CCND3: variants seen among roughly 807,000 people sequenced by gnomAD.
CCND3 encodes cyclin D3, also known as G1/S-specific cyclin-D3.
Under a neutral mutation model 28.7 loss-of-function variants are expected in CCND3, and 9 were observed. The observed-to-expected ratio is 0.31, with a 90% CI of 0.19 to 0.55. The LOEUF (loss-of-function observed/expected upper bound fraction) is 0.55. Ranked by LOEUF, CCND3 falls within the 20% of genes least tolerant of loss-of-function variation. CCND3 has a pLI of 0.93. For missense variants in CCND3, 315 were observed against 385.8 expected, an observed-to-expected ratio of 0.82 and a Z score of 1.54; for synonymous variants, 164 against 163.9, an observed-to-expected ratio of 1.00 and a Z score of 0.00.
chr6:42,009,173 T>G (rs779029249), intron 1 of CCND3, among the ~76,000 whole-genome samples: 2 of 152,194 alleles, frequency 1.3e-5, no homozygotes, highest in Non-Finnish European at 2.9e-5. Flanking sequence ...TCAGGCCTAC[T>G]TATCAGAAAC....
At chr6:41,951,050 T>C (rs992726203) in intron 1 of CCND3, among the ~76,000 whole-genome samples, 1 of 151,898 alleles carries the variant, frequency 6.6e-6, no homozygotes, top group Non-Finnish European at 1.5e-5. Context: ...GTGCATGATA[T>C]GATGATCCTC....
At chr6:41,948,709 G>A (rs1440184405) in intron 1 of CCND3, among the ~76,000 whole-genome samples, 2 of 151,842 alleles carry the variant, frequency 1.3e-5, no homozygotes, top group Non-Finnish European at 2.9e-5. Context: ...GCATGGTGGC[G>A]CGTGCCTGTA....
At chr6:42,039,214 A>C (rs1303848131) in intron 1 of CCND3, among the ~76,000 whole-genome samples, 1 of 152,220 alleles carries the variant, frequency 6.6e-6, no homozygotes, top group Non-Finnish European at 1.5e-5. Flanking sequence ...CAGTCTCTTT[A>C]AAATAGAGAC....
chr6:41,938,541 A>G lies in CCND3; in HGVS notation c.415-1147T>C, dbSNP rs1369327637. Among the ~76,000 whole-genome samples the G allele has an allele frequency of 2.0e-5, 3 of 152,164 alleles. No individual in the cohort carries two copies. Among genetic ancestry groups the G allele is most frequent in the African/African-American group, 7.2e-5 (3 of 41,418 alleles). ...CCTAACTCAGCAGTAAACAGAAGGG[A>G]CTCAGCTTCTAAGGAAGCATCTGGA... is the stretch of plus-strand genomic sequence containing the variant. On this transcript the variant is annotated intron_variant, in intron 2 of 4. Transcript: ENST00000372991. This position sits in a 1 kb window ranked among gnomAD's most constrained non-coding sequence, Gnocchi z 4.6.
intron 1 of CCND3, among the ~76,000 whole-genome samples, chr6:41,970,066 C>T (rs946286594): frequency 1.3e-5 from 2 of 152,104 alleles, no homozygotes; most frequent in African/African-American, 2.4e-5. Flanking sequence ...ATAGGCCAGG[C>T]GCGGTGGCTC....
intron 1 of CCND3, among the ~76,000 whole-genome samples, chr6:42,041,776 G>A (rs561126595): frequency 2.6e-5 from 4 of 152,300 alleles, no homozygotes; most frequent in South Asian, 4.1e-4. Context: ...AAGACTTTGC[G>A]AATAATAAAC....
chr6:42,014,365 C>CA (rs150061290), intron 1 of CCND3, among the ~76,000 whole-genome samples: 1 of 148,714 alleles, frequency 6.7e-6, no homozygotes, highest in African/African-American at 2.5e-5. Context: ...GACTCTGTCT[C>CA]AAACAAAACA....
rs1175853279 is a variant in CCND3 at position 42,033,448 on chromosome 6, TA to T, written c.-46+15052del. ...CTGTGTGACAAAGCGAGACTCCATC[TA>T]AAAAAAAAATATATATATATGTGTA... is the stretch of plus-strand genomic sequence containing the variant. On this transcript the variant is annotated intron_variant, in intron 1 of 4. Transcript: ENST00000372988. 5.8e-3 allele frequency among the ~76,000 whole-genome samples: 735 copies of T among 126,698 alleles called. 6 individuals carry two copies. The highest frequency in any genetic ancestry group is 0.018 in the African/African-American group (618 of 34,588). The allele number at this position is 126,698 out of a possible 152,430, so 83.1% of individuals were successfully genotyped here. A position where few individuals can be genotyped will look rare whatever the true frequency, so the allele number is the denominator to read the frequency against.
chr6:41,964,039 T>C (rs1418580056), intron 1 of CCND3, among the ~76,000 whole-genome samples: 1 of 152,218 alleles, frequency 6.6e-6, no homozygotes, highest in Non-Finnish European at 1.5e-5. Context: ...AATCAATAAA[T>C]ATTAGTAGAA....
At chr6:41,940,779 C>T (rs1285468816) in intron 1 of CCND3, 194 bp from the exon 2 acceptor site, 1 of 820,964 alleles carries the variant, frequency 1.2e-6, no homozygotes. Flanking sequence ...TCTGCGCGGC[C>T]TCCTCCCCTC....
chr6:41,976,234 C>G (rs188422740), intron 1 of CCND3, among the ~76,000 whole-genome samples: 81 of 152,160 alleles, frequency 5.3e-4, no homozygotes, highest in African/African-American at 1.9e-3. Context: ...CACCTGTAGT[C>G]CCAGCTACTC....
In CCND3 at chr6:41,999,403, C is replaced by T. The variant is rs376092320; in HGVS notation, c.-46+49098G>A. Among the ~76,000 whole-genome samples, 22 of 152,252 alleles carry T rather than the reference C, an allele frequency of 1.4e-4. No individual in the cohort carries two copies. In the East Asian group the frequency reaches 4.1e-3, roughly 28 times the overall value. On this transcript the variant is annotated intron_variant, in intron 1 of 4. Coordinates refer to the CCND3 transcript ENST00000372988. ...AGCTGGGATAACAGGCACCCACCAC[C>T]ATGCCCGGCTAATTTTTGTATTTTC...
upstream of CCND3, among the ~76,000 whole-genome samples, chr6:41,946,595 C>CA (rs35369019): frequency 0.26 from 5,482 of 20,880 alleles, 2,046 homozygotes; most frequent in East Asian, 0.35. Context: ...AGACCTGTCT[C>CA]AAAAAAAAAA....
intron 1 of CCND3, among the ~76,000 whole-genome samples, chr6:42,009,016 T>C (rs1338031970): frequency 1.3e-5 from 2 of 152,168 alleles, no homozygotes; most frequent in Non-Finnish European, 2.9e-5. Context: ...TCCGCCTTCT[T>C]CTCTTAAGCC....
intron 1 of CCND3, among the ~76,000 whole-genome samples, chr6:41,976,431 G>A (rs909317651): frequency 2.6e-5 from 4 of 152,012 alleles, no homozygotes; most frequent in African/African-American, 9.7e-5. Flanking sequence ...ATAGGAGGAT[G>A]GCTTGAGCCC....
In CCND3 at chr6:41,936,165, G is replaced by A. The variant is rs1166870584; in HGVS notation, c.712-58C>T. On this transcript the variant is annotated intron_variant, in intron 4 of 4. Coordinates refer to ENST00000372991, the MANE Select transcript of CCND3 (RefSeq NM_001760.5). This position sits in a 1 kb window ranked among gnomAD's most constrained non-coding sequence, Gnocchi z 4.4. ...ACTCCCCCCATAGCATCTGGCAGCAGGTGCAGGGGAAGGACAGCTCCCAAC... is the reference window on the plus strand; with the variant it reads ...ACTCCCCCCATAGCATCTGGCAGCAAGTGCAGGGGAAGGACAGCTCCCAAC... 1.5e-5 allele frequency: 22 copies of A among 1,511,678 alleles called. No individual in the cohort carries two copies. The East Asian group carries it at 4.8e-4, about 33-fold the overall frequency. 93.6% of individuals were successfully genotyped at this position (1,511,678 alleles called of 1,614,324 possible). A position where few individuals can be genotyped will look rare whatever the true frequency, so the allele number is the denominator to read the frequency against.
intron 1 of CCND3, among the ~76,000 whole-genome samples, chr6:41,993,410 C>CTTTTTTTTT (rs70987558): frequency 6.9e-5 from 7 of 101,694 alleles, no homozygotes; most frequent in East Asian, 3.0e-4. Flanking sequence ...CTCATGTCTT[C>CTTTTTTTTT]TTTTTTTTTT....
At chr6:42,009,620 A>AAAAAT (rs113007450) in intron 1 of CCND3, among the ~76,000 whole-genome samples, 1 of 150,390 alleles carries the variant, frequency 6.6e-6, no homozygotes, top group Non-Finnish European at 1.5e-5. Context: ...TTCAAAACAA[A>AAAAAT]AAAACAAAAC....
intron 1 of CCND3, among the ~76,000 whole-genome samples, chr6:41,978,653 G>C (rs1243481323): frequency 1.3e-5 from 2 of 152,104 alleles, no homozygotes; most frequent in African/African-American, 4.8e-5. Flanking sequence ...GTGCTGATGT[G>C]TTCTATCTAC....
Sources: allele counts gnomAD v4.1 joint callset (sites outside exome capture counted in the v4.1 genomes callset), GRCh38; gene constraint gnomAD v4.1.1; non-coding constraint Gnocchi (gnomAD v3.1); transcripts MANE v1.5; gene names NCBI Gene and HGNC (gene_info 2026-07-23, HGNC 2026-07-21).